EPHA5: variants seen among roughly 807,000 people sequenced by gnomAD.
EPHA5 encodes the protein EPH receptor A5.
EPHA5 carries 60 observed loss-of-function variants against 105.0 expected under a neutral mutation model. That is an observed-to-expected ratio of 0.57 (90% CI 0.46 to 0.71). The LOEUF (loss-of-function observed/expected upper bound fraction) is 0.71. Ranked by LOEUF, EPHA5 falls within the 30% of genes least tolerant of loss-of-function variation. EPHA5 has a pLI of 0.00. For synonymous variants in EPHA5, 513 were observed against 449.1 expected, an observed-to-expected ratio of 1.14 and a Z score of -1.80; for missense variants, 1,218 against 1,274.7, an observed-to-expected ratio of 0.96 and a Z score of 0.68.
chr4:65,430,537 C>T (rs1232149509), intron 5 of EPHA5, among the ~76,000 whole-genome samples: 1 of 150,124 alleles, frequency 6.7e-6, no homozygotes, highest in Non-Finnish European at 1.5e-5. Context: ...TTATAAGAAA[C>T]ATTATGTGCC....
At chr4:65,348,654 T>A in intron 13 of EPHA5, among the ~76,000 whole-genome samples, 1 of 59,670 alleles carries the variant, frequency 1.7e-5, no homozygotes, top group Non-Finnish European at 3.2e-5. Context: ...AGCATAAACA[T>A]TGGAGATATA....
chr4:65,590,206 C>A (rs186252526), intron 3 of EPHA5, among the ~76,000 whole-genome samples: 2 of 152,150 alleles, frequency 1.3e-5, no homozygotes, highest in Admixed American at 6.6e-5. Context: ...TTATAAACTA[C>A]ACCTTTACAG....
chr4:65,496,088 A>C (rs1353696240), intron 3 of EPHA5, among the ~76,000 whole-genome samples: 1 of 152,156 alleles, frequency 6.6e-6, no homozygotes, highest in Non-Finnish European at 1.5e-5. Context: ...TAAGGGAGTC[A>C]CATTTTTGAC....
intron 3 of EPHA5, among the ~76,000 whole-genome samples, chr4:65,555,004 A>G (rs1393695703): frequency 7.2e-6 from 1 of 139,120 alleles, no homozygotes; most frequent in Non-Finnish European, 1.6e-5. Flanking sequence ...AAAAAAAAAA[A>G]AAAAAAAAGT....
At chr4:65,499,439 G>A (rs960449281) in intron 3 of EPHA5, among the ~76,000 whole-genome samples, 3 of 151,370 alleles carry the variant, frequency 2.0e-5, no homozygotes, top group Non-Finnish European at 3.0e-5. Context: ...TCCACTTTCA[G>A]GATATGATTT....
At chr4:65,593,047 A>T (rs1001470787) in intron 3 of EPHA5, among the ~76,000 whole-genome samples, 2 of 152,148 alleles carry the variant, frequency 1.3e-5, no homozygotes, top group Non-Finnish European at 1.5e-5. Context: ...ACATGGATGC[A>T]CCTCTACTTT....
At chr4:65,425,628 AAAT>A (rs1234333378) in intron 5 of EPHA5, among the ~76,000 whole-genome samples, 10 of 151,706 alleles carry the variant, frequency 6.6e-5, no homozygotes, top group African/African-American at 1.9e-4. Context: ...ACTATTTTAA[AAAT>A]AATAATTATT....
intron 3 of EPHA5, among the ~76,000 whole-genome samples, chr4:65,576,590 C>T (rs778418488): frequency 6.6e-6 from 1 of 152,174 alleles, no homozygotes; most frequent in African/African-American, 2.4e-5. Flanking sequence ...TGCCTGTACA[C>T]AGGCCAGTCA....
intron 3 of EPHA5, among the ~76,000 whole-genome samples, chr4:65,575,384 A>AC (rs1397850702): frequency 3.9e-5 from 6 of 152,238 alleles, no homozygotes; most frequent in Admixed American, 2.6e-4. Context: ...TGTTCTCTCT[A>AC]CCTACTACTT....
In EPHA5 at chr4:65,490,362, G is replaced by T. The variant is rs776480092; in HGVS notation, c.1402+15C>A. 6.2e-7 allele frequency: 1 copy of T among 1,607,872 alleles called. No individual in the cohort carries two copies. The highest frequency in any genetic ancestry group is 8.5e-7 in the Non-Finnish European group (1 of 1,175,184). ...TAGGCCTCACATACACAATTGGGTT[G>T]GGCATGGCACTTACCTGCTTGATTT... On this transcript the variant is annotated intron_variant, in intron 5 of 16. Transcript: ENST00000613740.
chr4:65,583,383 A>G (rs981919509), intron 3 of EPHA5, among the ~76,000 whole-genome samples: 12 of 151,824 alleles, frequency 7.9e-5, no homozygotes, highest in Admixed American at 5.9e-4. Context: ...ATGTTCTCCT[A>G]CCGAAGAGGA....
At chr4:65,569,442 A>G (rs1438953136) in intron 3 of EPHA5, among the ~76,000 whole-genome samples, 1 of 151,642 alleles carries the variant, frequency 6.6e-6, no homozygotes, top group Non-Finnish European at 1.5e-5. Flanking sequence ...GAATAGAATA[A>G]CACATATATT....
chr4:65,342,661 T>A (rs1365982556), intron 14 of EPHA5, among the ~76,000 whole-genome samples: 2 of 151,798 alleles, frequency 1.3e-5, no homozygotes, highest in African/African-American at 2.4e-5. Context: ...TATATGTTTA[T>A]GTATATACAT....
intron 5 of EPHA5, among the ~76,000 whole-genome samples, chr4:65,466,393 G>A (rs1728720589): frequency 6.6e-6 from 1 of 152,196 alleles, no homozygotes. Context: ...GACGAGGTCA[G>A]TCAAATAAAT....
chr4:65,546,399 AG>A, intron 3 of EPHA5, among the ~76,000 whole-genome samples: 1 of 152,172 alleles, frequency 6.6e-6, no homozygotes, highest in South Asian at 2.1e-4. Context: ...AGTTGTTAAA[AG>A]GTGGATATGC....
At chr4:65,523,659 C>G (rs115869794) in intron 3 of EPHA5, among the ~76,000 whole-genome samples, 395 of 152,056 alleles carry the variant, frequency 2.6e-3, no homozygotes, top group African/African-American at 9.0e-3. Flanking sequence ...AAACCAGGAA[C>G]TATCAGTGAA....
intron 2 of EPHA5, among the ~76,000 whole-genome samples, chr4:65,629,543 A>G (rs1746441825): frequency 6.6e-6 from 1 of 152,228 alleles, no homozygotes; most frequent in South Asian, 2.1e-4. Flanking sequence ...TGGACATTAT[A>G]TGCTGTAACA....
chr4:65,635,199 C>T (rs1747011407), intron 2 of EPHA5, among the ~76,000 whole-genome samples: 1 of 152,008 alleles, frequency 6.6e-6, no homozygotes, highest in African/African-American at 2.4e-5. Context: ...ACAAGAAAAG[C>T]CATAAACTCC....
chr4:65,645,921 C>G (rs979971349), intron 1 of EPHA5, among the ~76,000 whole-genome samples: 1 of 152,192 alleles, frequency 6.6e-6, no homozygotes, highest in East Asian at 1.9e-4. Flanking sequence ...GGTAATTACA[C>G]ATCCCATTTC....
Sources: allele counts gnomAD v4.1 joint callset (sites outside exome capture counted in the v4.1 genomes callset), GRCh38; gene constraint gnomAD v4.1.1; transcripts MANE v1.5; gene names NCBI Gene and HGNC (gene_info 2026-07-23, HGNC 2026-07-21).